ATXN10: variants seen among roughly 807,000 people sequenced by gnomAD.
ATXN10 encodes the protein ataxin 10.
Under a neutral mutation model 52.9 loss-of-function variants are expected in ATXN10, and 28 were observed. The observed-to-expected ratio is 0.53, with a 90% CI of 0.39 to 0.73. ATXN10 has a LOEUF of 0.73. Ranked by LOEUF, ATXN10 falls within the 30% of genes least tolerant of loss-of-function variation. The probability of loss-of-function intolerance (pLI) is 0.00; values close to 1 mark genes in which losing one functional copy is unlikely to be tolerated. For synonymous variants in ATXN10, 226 were observed against 221.5 expected (o/e 1.02, Z -0.18); for missense variants, 565 against 577.0 (o/e 0.98, Z 0.21).
chr22:45,700,412 G>T (rs757598366), intron 4 of ATXN10, 34 bp downstream of exon 4: 7 of 1,519,204 alleles, frequency 4.6e-6, no homozygotes, highest in Non-Finnish European at 6.4e-6. Context: ...TCTAACTTGT[G>T]AGAAGATTGT....
intron 9 of ATXN10, among the ~76,000 whole-genome samples, chr22:45,771,182 C>G (rs1043668654): frequency 3.9e-5 from 6 of 152,202 alleles, no homozygotes; most frequent in African/African-American, 1.4e-4. Context: ...TAGCCAAAAG[C>G]TGAAAACAAC....
chr22:45,765,731 G>A (rs1313625423), intron 9 of ATXN10, among the ~76,000 whole-genome samples: 3 of 152,148 alleles, frequency 2.0e-5, no homozygotes, highest in Non-Finnish European at 4.4e-5. Context: ...TACTGAGATG[G>A]AAGCAGCCTA....
chr22:45,829,206 A>G (rs1928911209), intron 10 of ATXN10, among the ~76,000 whole-genome samples: 1 of 152,170 alleles, frequency 6.6e-6, no homozygotes, highest in Admixed American at 6.5e-5. Flanking sequence ...ACAAACTAGG[A>G]ATATAATGAA....
At chr22:45,809,577 C>A (rs1400298013) in intron 10 of ATXN10, among the ~76,000 whole-genome samples, 3 of 152,114 alleles carry the variant, frequency 2.0e-5, no homozygotes, top group East Asian at 3.9e-4. Flanking sequence ...CTCCTGTACA[C>A]CACCTCCTCC....
Position 45,783,073 on chromosome 22 carries a change from C to T in ATXN10, c.1174-23886C>T, listed in dbSNP as rs938885181. Among the ~76,000 whole-genome samples the T allele has an allele frequency of 1.3e-5, 2 of 152,186 alleles. No individual in the cohort carries two copies. Among genetic ancestry groups the T allele is most frequent in the Non-Finnish European group, 2.9e-5 (2 of 68,026 alleles). ...TTTTTTCTTAAGTCTAGAACTCTGA[C>T]CTTTTCACTTAAAGGAAGCACTTTA... is the stretch of plus-strand genomic sequence containing the variant. On this transcript the variant is annotated intron_variant, in intron 9 of 11. Coordinates refer to ENST00000252934, the MANE Select transcript of ATXN10 (RefSeq NM_013236.4). The surrounding 1 kb of genome is among the most constrained non-coding windows in gnomAD (Gnocchi z 5.0).
Position 45,819,355 on chromosome 22 carries a change from T to C in ATXN10, c.1237+12333T>C, listed in dbSNP as rs1213274776. On this transcript the variant is annotated intron_variant, in intron 10 of 11. Coordinates refer to ENST00000252934, the MANE Select transcript of ATXN10 (RefSeq NM_013236.4). The surrounding 1 kb of genome is among the most constrained non-coding windows in gnomAD (Gnocchi z 4.5). ...CTAAAGTATCAGCTCAAAATCCACA[T>C]GCCTGATGGTTTCCTTCAAATGCTG... Among the ~76,000 whole-genome samples the C allele has an allele frequency of 6.6e-6, 1 of 152,200 alleles. No homozygotes were observed. Among genetic ancestry groups the C allele is most frequent in the African/African-American group, 2.4e-5 (1 of 41,450 alleles).
In ATXN10 at chr22:45,826,309, G is replaced by T. The variant is rs951990174; in HGVS notation, c.1238-16682G>T. 8.5e-5 allele frequency among the ~76,000 whole-genome samples: 13 copies of T among 152,122 alleles called. No individual in the cohort carries two copies. The highest frequency in any genetic ancestry group is 4.4e-5 in the Non-Finnish European group (3 of 68,020). On this transcript the variant is annotated intron_variant, in intron 10 of 11. Transcript: ENST00000252934. This position sits in a 1 kb window ranked among gnomAD's most constrained non-coding sequence, Gnocchi z 5.0. ...GTGAACAGAGCCTAAGGGATATGTG[G>T]AACACCATCAAGCCAACCAACATAC...
intron 9 of ATXN10, among the ~76,000 whole-genome samples, chr22:45,785,172 C>T (rs1050247815): frequency 2.6e-5 from 4 of 152,220 alleles, no homozygotes; most frequent in Non-Finnish European, 5.9e-5. Flanking sequence ...TTGTTGCTCT[C>T]TCAAGTCATG....
chr22:45,771,670 A>T (rs190428819), intron 9 of ATXN10, among the ~76,000 whole-genome samples: 2 of 151,330 alleles, frequency 1.3e-5, no homozygotes, highest in African/African-American at 4.9e-5. Context: ...ACCCACCTCG[A>T]GCTCCCAAAG....
At chr22:45,811,864 T>A (rs1928293163) in intron 10 of ATXN10, 1 of 449,856 alleles carries the variant, frequency 2.2e-6, no homozygotes, top group Non-Finnish European at 4.6e-6. Context: ...TCCTCTCTGA[T>A]TCTCCCACTC....
At chr22:45,751,448 G>GAA in intron 9 of ATXN10, among the ~76,000 whole-genome samples, 1 of 151,612 alleles carries the variant, frequency 6.6e-6, no homozygotes, top group Non-Finnish European at 1.5e-5. Context: ...GAGAGAGAGA[G>GAA]AGGAAGAGAC....
In ATXN10 at chr22:45,700,948, A is replaced by G. The variant is rs150545498; in HGVS notation, c.488+570A>G. Among the ~76,000 whole-genome samples, 141 of 152,262 alleles carry G rather than the reference A, an allele frequency of 9.3e-4. 1 individual carries two copies. Among genetic ancestry groups the G allele is most frequent in the African/African-American group, 3.3e-3 (138 of 41,548 alleles). On this transcript the variant is annotated intron_variant, in intron 4 of 11. Transcript: ENST00000252934. ...TAACCATTCCATTTGTCTCGATTGG[A>G]TCCTGGTACTTTTTCTGGTGATTCT...
In ATXN10 at chr22:45,672,168, G is replaced by A. The variant is rs1283658640; in HGVS notation, c.105G>A (p.Glu35=). ...ALRALTALFK[E]QRNRETAPRT... ...GCGCGCTCACGGCGCTCTTCAAAGA[G>A]CAGCGGAACCGGTAACGGGTCCGGC... The change falls in exon 1 of 12, where the codon GAG becomes GAA. Residue 35 remains glutamate (E), a synonymous_variant. Transcript: ENST00000252934. 3 of 1,536,234 alleles carry A rather than the reference G, an allele frequency of 2.0e-6. No homozygotes were observed. The highest frequency in any genetic ancestry group is 2.6e-6 in the Non-Finnish European group (3 of 1,143,848).
chr22:45,843,686 A>T lies in ATXN10; in HGVS notation c.*15A>T. On this transcript the variant is annotated 3_prime_UTR_variant, in exon 12 of 12. Coordinates refer to ENST00000252934, the MANE Select transcript of ATXN10 (RefSeq NM_013236.4). The surrounding 1 kb of genome is among the most constrained non-coding windows in gnomAD (Gnocchi z 4.5). Reference sequence around the variant, plus strand: ...TTCTTTAGTGAATGAACTACATCCAAATACCTGAATTTTTGGAATCTGTTT... The same window carrying T: ...TTCTTTAGTGAATGAACTACATCCATATACCTGAATTTTTGGAATCTGTTT... 6.2e-7 allele frequency: 1 copy of T among 1,610,942 alleles called. No homozygotes were observed. Among genetic ancestry groups the T allele is most frequent in the Non-Finnish European group, 8.5e-7 (1 of 1,177,772 alleles).
chr22:45,682,506 T>C (rs1337296611), intron 1 of ATXN10, among the ~76,000 whole-genome samples: 1 of 152,062 alleles, frequency 6.6e-6, no homozygotes, highest in African/African-American at 2.4e-5. Flanking sequence ...GACAGGGTCT[T>C]ACCATGTTGC....
In ATXN10 at chr22:45,819,393, G is replaced by C. The variant is rs1928576634; in HGVS notation, c.1237+12371G>C. On this transcript the variant is annotated intron_variant, in intron 10 of 11. Coordinates refer to ENST00000252934, the MANE Select transcript of ATXN10 (RefSeq NM_013236.4). This position sits in a 1 kb window ranked among gnomAD's most constrained non-coding sequence, Gnocchi z 4.5. ...CCTTCAAATGCTGCCTCTGTGGGTA[G>C]GAAGCACACTCTGATTCCACTGAGC... is the stretch of plus-strand genomic sequence containing the variant. Among the ~76,000 whole-genome samples the C allele has an allele frequency of 6.6e-6, 1 of 152,176 alleles. No individual in the cohort carries two copies. The highest frequency in any genetic ancestry group is 1.5e-5 in the Non-Finnish European group (1 of 68,028).
In ATXN10 at chr22:45,837,558, G is replaced by C. The variant is rs544887912; in HGVS notation, c.1238-5433G>C. Among the ~76,000 whole-genome samples, 2 of 152,192 alleles carry C rather than the reference G, an allele frequency of 1.3e-5. No individual in the cohort carries two copies. Among genetic ancestry groups the C allele is most frequent in the Admixed American group, 6.5e-5 (1 of 15,282 alleles). ...ATTACAGGCGTGAGCCACTATGCCC[G>C]GCCTATTTATTTATTAATTCAACAA... On this transcript the variant is annotated intron_variant, in intron 10 of 11. Transcript: ENST00000252934. The surrounding 1 kb of genome is among the most constrained non-coding windows in gnomAD (Gnocchi z 5.8).
intron 1 of ATXN10, chr22:45,675,902 A>C (rs1348736383): frequency 6.6e-6 from 1 of 152,156 alleles, no homozygotes; most frequent in African/African-American, 2.4e-5. Flanking sequence ...ATCAGTATTG[A>C]GATATTCCTC....
chr22:45,784,784 T>C lies in ATXN10; in HGVS notation c.1174-22175T>C, dbSNP rs1233166241. Among the ~76,000 whole-genome samples the C allele has an allele frequency of 6.6e-6, 1 of 152,202 alleles. No homozygotes were observed. Among genetic ancestry groups the C allele is most frequent in the East Asian group, 1.9e-4 (1 of 5,202 alleles). On this transcript the variant is annotated intron_variant, in intron 9 of 11. Transcript: ENST00000252934. The surrounding 1 kb of genome is among the most constrained non-coding windows in gnomAD (Gnocchi z 4.2). ...TGGACACTTGAGCTCCCAGCAAGCCTTTATTTTTTTATTTTTTAAACACCG... is the reference window on the plus strand; with the variant it reads ...TGGACACTTGAGCTCCCAGCAAGCCCTTATTTTTTTATTTTTTAAACACCG...
Sources: allele counts gnomAD v4.1 joint callset (sites outside exome capture counted in the v4.1 genomes callset), GRCh38; gene constraint gnomAD v4.1.1; non-coding constraint Gnocchi (gnomAD v3.1); transcripts MANE v1.5; gene names NCBI Gene and HGNC (gene_info 2026-07-23, HGNC 2026-07-21).